AVEN: variants seen among roughly 807,000 people sequenced by gnomAD.
The protein encoded by AVEN is cell death regulator Aven.
Under a neutral mutation model 38.1 loss-of-function variants are expected in AVEN, and 41 were observed. That is an observed-to-expected ratio of 1.08 (90% CI 0.84 to 1.40). The LOEUF is 1.40. Among genes scored for constraint, AVEN ranks in the 40% most tolerant of loss-of-function variants. The probability of loss-of-function intolerance (pLI) is 0.00; values close to 1 mark genes in which losing one functional copy is unlikely to be tolerated. For missense variants in AVEN, 605 were observed against 438.8 expected (o/e 1.38, Z -3.38); for synonymous variants, 206 against 171.8 (o/e 1.20, Z -1.56).
At chr15:33,859,803 T>G (rs1252754760) in intron 11 of AVEN, 1 of 1,448,200 alleles carries the variant, frequency 6.9e-7, no homozygotes, top group African/African-American at 1.4e-5. Flanking sequence ...CATCTATGAC[T>G]TAATTGGTTT....
chr15:34,059,894 A>G (rs1253367195), intron 5 of AVEN, among the ~76,000 whole-genome samples: 1 of 152,224 alleles, frequency 6.6e-6, no homozygotes, highest in Middle Eastern at 3.2e-3. Flanking sequence ...ACTAGTGTCT[A>G]AAGAGCAGAG....
chr15:34,042,396 G>GTTT (rs35456951), upstream of AVEN, among the ~76,000 whole-genome samples: 14 of 130,376 alleles, frequency 1.1e-4, no homozygotes, highest in South Asian at 2.4e-4. Flanking sequence ...CATGACCTAA[G>GTTT]TTTTTTTTTT....
intron 2 of AVEN, among the ~76,000 whole-genome samples, chr15:33,994,157 T>C (rs1200466331): frequency 6.6e-6 from 1 of 152,132 alleles, no homozygotes; most frequent in Non-Finnish European, 1.5e-5. Flanking sequence ...GTGAGCAGAT[T>C]CTTCTCTATT....
chr15:33,954,373 T>C (rs1443847683), intron 2 of AVEN, among the ~76,000 whole-genome samples: 2 of 152,166 alleles, frequency 1.3e-5, no homozygotes, highest in Non-Finnish European at 2.9e-5. Flanking sequence ...TGTGGCACTA[T>C]TCACAATAGC....
chr15:33,948,101 CTT>C (rs149409619), intron 2 of AVEN, among the ~76,000 whole-genome samples: 6 of 139,592 alleles, frequency 4.3e-5, no homozygotes, highest in Admixed American at 7.3e-5. Context: ...TTTTTCTTTT[CTT>C]TTTTTTTTTT....
intron 1 of AVEN, among the ~76,000 whole-genome samples, chr15:34,014,491 A>C (rs1897794269): frequency 6.6e-6 from 1 of 152,080 alleles, no homozygotes; most frequent in Non-Finnish European, 1.5e-5. Flanking sequence ...GGGTAACAAA[A>C]TCAAAAATCC....
chr15:33,984,080 T>C (rs1197509595), intron 2 of AVEN, among the ~76,000 whole-genome samples: 1 of 152,044 alleles, frequency 6.6e-6, no homozygotes, highest in Non-Finnish European at 1.5e-5. Flanking sequence ...TGTGGTATCC[T>C]GAGTTAGAAG....
the AVEN span, chr15:33,852,910 G>A: frequency 5.5e-6 from 4 of 733,074 alleles, no homozygotes; most frequent in Admixed American, 1.0e-4. Context: ...ACTTCAATCA[G>A]ATCTTAAAAT....
At chr15:33,884,221 G>A (rs1229500852) in intron 2 of AVEN, among the ~76,000 whole-genome samples, 1 of 152,056 alleles carries the variant, frequency 6.6e-6, no homozygotes, top group Non-Finnish European at 1.5e-5. Flanking sequence ...AGGCCTCTTG[G>A]CTATCTTGAG....
intron 2 of AVEN, among the ~76,000 whole-genome samples, chr15:33,880,872 CAT>C (rs1292972668): frequency 6.6e-6 from 1 of 151,968 alleles, no homozygotes; most frequent in East Asian, 1.9e-4. Flanking sequence ...CTAGGAACAT[CAT>C]AAACAATGAC....
At chr15:33,908,184 A>ACTAT (rs146686479) in intron 2 of AVEN, among the ~76,000 whole-genome samples, 142 of 152,314 alleles carry the variant, frequency 9.3e-4, no homozygotes, top group African/African-American at 3.2e-3. Flanking sequence ...AACTATCACC[A>ACTAT]CTATCTGTCC....
chr15:34,039,178 G>C lies in AVEN; in HGVS notation c.-132C>G. The C allele has an allele frequency of 1.3e-6, 1 of 798,430 alleles. No individual in the cohort carries two copies. Among genetic ancestry groups the C allele is most frequent in the Non-Finnish European group, 1.5e-6 (1 of 649,706 alleles). The allele number at this position is 798,430 out of a possible 1,614,324, so 49.5% of individuals were successfully genotyped here. A position where few individuals can be genotyped will look rare whatever the true frequency, so the allele number is the denominator to read the frequency against. ...CGGTAGCAGCGAGGCGCGGGGTGCGGGGCTAGGGATCGAGGCCGGCCGCAG... is the reference window on the plus strand; with the variant it reads ...CGGTAGCAGCGAGGCGCGGGGTGCGCGGCTAGGGATCGAGGCCGGCCGCAG... On this transcript the variant is annotated 5_prime_UTR_variant, in exon 1 of 6. Transcript: ENST00000306730.
chr15:34,017,482 T>G (rs957132756), intron 1 of AVEN, among the ~76,000 whole-genome samples: 5 of 66,122 alleles, frequency 7.6e-5, no homozygotes, highest in African/African-American at 1.6e-4. Flanking sequence ...GATTTTTTTT[T>G]TGTTTTTTTT....
At chr15:33,854,398 C>T (rs2079427018), downstream of AVEN, 2 of 1,573,730 alleles carry the variant, frequency 1.3e-6, no homozygotes, top group African/African-American at 2.7e-5. Flanking sequence ...GGCTAAGTTC[C>T]ATAGACATGA....
chr15:33,921,066 G>A (rs960157477), intron 2 of AVEN, among the ~76,000 whole-genome samples: 1 of 152,178 alleles, frequency 6.6e-6, no homozygotes, highest in Non-Finnish European at 1.5e-5. Flanking sequence ...GTGAGCTACC[G>A]CACCTGGCCC....
intron 2 of AVEN, among the ~76,000 whole-genome samples, chr15:33,981,152 T>G (rs1353676124): frequency 6.6e-6 from 1 of 152,174 alleles, no homozygotes; most frequent in Non-Finnish European, 1.5e-5. Context: ...ATATCTGAAT[T>G]AAGAAATCCA....
intron 2 of AVEN, among the ~76,000 whole-genome samples, chr15:34,001,108 C>T (rs1261348022): frequency 6.6e-6 from 1 of 151,476 alleles, no homozygotes; most frequent in Non-Finnish European, 1.5e-5. Context: ...ACAACCCCCA[C>T]CTCCCAGGCT....
At chr15:33,961,653 A>C (rs1895178147) in intron 2 of AVEN, among the ~76,000 whole-genome samples, 2 of 151,458 alleles carry the variant, frequency 1.3e-5, no homozygotes, top group Admixed American at 6.6e-5. Context: ...CTCTACTAAA[A>C]ACACAAAAAA....
chr15:34,072,849 C>T (rs946125203), intron 1 of AVEN, among the ~76,000 whole-genome samples: 11 of 151,074 alleles, frequency 7.3e-5, no homozygotes, highest in Non-Finnish European at 4.4e-5. Flanking sequence ...TGGGGTTTCA[C>T]CCTGTTAGCC....
Sources: allele counts gnomAD v4.1 joint callset (sites outside exome capture counted in the v4.1 genomes callset), GRCh38; gene constraint gnomAD v4.1.1; transcripts MANE v1.5; gene names NCBI Gene and HGNC (gene_info 2026-07-23, HGNC 2026-07-21).